The following PCDHGB7 variants were observed in gnomAD, a reference collection of about 807,000 sequenced individuals.
PCDHGB7 encodes protocadherin gamma-B7.
A neutral mutation model predicts 61.4 loss-of-function variants in PCDHGB7; 37 were observed. The observed-to-expected ratio is 0.60, with a 90% CI of 0.46 to 0.79. The LOEUF is 0.79. Among genes scored for constraint, PCDHGB7 ranks in the 30% least tolerant of loss-of-function variants. The probability of loss-of-function intolerance (pLI) is 0.00; values close to 1 mark genes in which losing one functional copy is unlikely to be tolerated. For synonymous variants in PCDHGB7, 464 were observed against 503.5 expected (o/e 0.92, Z 1.05); for missense variants, 1,166 against 1,202.5 (o/e 0.97, Z 0.45).
intron 1 of PCDHGB7, chr5:141,422,401 C>G: frequency 6.3e-7 from 1 of 1,598,896 alleles, no homozygotes; most frequent in Non-Finnish European, 8.5e-7. Context: ...TAACCACCTG[C>G]CTTTTAAATT....
At chr5:141,492,506 C>T (rs2154587372) in intron 1 of PCDHGB7, among the ~76,000 whole-genome samples, 2 of 152,318 alleles carry the variant, frequency 1.3e-5, no homozygotes, top group South Asian at 4.1e-4. Context: ...ACTCCGGAGC[C>T]TCCTCTCACC....
chr5:141,420,415 T>G, intron 1 of PCDHGB7, 141 bp downstream of exon 1: 1 of 1,217,298 alleles, frequency 8.2e-7, no homozygotes, highest in Non-Finnish European at 1.1e-6. Flanking sequence ...TTATCATTAT[T>G]AAAACAAAAG....
chr5:141,469,103 C>A (rs949254605), intron 1 of PCDHGB7, among the ~76,000 whole-genome samples: 2 of 151,844 alleles, frequency 1.3e-5, no homozygotes, highest in African/African-American at 2.4e-5. Context: ...AAAGCAAGAA[C>A]CTGTCTCTAA....
In PCDHGB7 at chr5:141,485,027, G is replaced by A. The variant is rs1594439784; in HGVS notation, c.2416-9780G>A. ...AATCTACCCCGCCACCAGCAAAAAC[G>A]GCGCGTAACCCTTGCGGCGCCGGCC... is the stretch of plus-strand genomic sequence containing the variant. On this transcript the variant is annotated intron_variant, in intron 1 of 3. Coordinates refer to ENST00000398594, the MANE Select transcript of PCDHGB7 (RefSeq NM_018927.4). The surrounding 1 kb of genome is among the most constrained non-coding windows in gnomAD (Gnocchi z 5.7). 1.5e-6 allele frequency: 1 copy of A among 662,546 alleles called. No individual in the cohort carries two copies. Among genetic ancestry groups the A allele is most frequent in the South Asian group, 1.9e-5 (1 of 53,596 alleles). The allele number at this position is 662,546 out of a possible 1,614,324, so 41.0% of individuals were successfully genotyped here.
At chr5:141,425,258 G>T (rs965944291) in intron 1 of PCDHGB7, among the ~76,000 whole-genome samples, 2 of 152,134 alleles carry the variant, frequency 1.3e-5, no homozygotes, top group Non-Finnish European at 2.9e-5. Context: ...GAGGTATTTG[G>T]CTGGGAAAAG....
In PCDHGB7 at chr5:141,491,283, C is replaced by G; in HGVS notation, c.2416-3524C>G. ...AAATGCCCAAATCCAGTGACTTCCT[C>G]ATACACCCTCCTGAGCGTTCAGACC... On this transcript the variant is annotated intron_variant, in intron 1 of 3. Coordinates refer to ENST00000398594, the MANE Select transcript of PCDHGB7 (RefSeq NM_018927.4). The surrounding 1 kb of genome is among the most constrained non-coding windows in gnomAD (Gnocchi z 6.9). The G allele has an allele frequency of 1.2e-6, 2 of 1,614,164 alleles. No homozygotes were observed.
In PCDHGB7 at chr5:141,447,157, T is replaced by A. The variant is rs569196292; in HGVS notation, c.2415+26883T>A. On this transcript the variant is annotated intron_variant, in intron 1 of 3. Transcript: ENST00000398594. The stretch of plus-strand genomic sequence containing the variant: ...TTTGTTTTTTGTTTTTGTTTTTGTT[T>A]AAGCGGGGTCTTGCTCTTGTCGCGC... Among the ~76,000 whole-genome samples the A allele has an allele frequency of 4.1e-4, 62 of 152,254 alleles. No homozygotes were observed. The South Asian group carries it at 0.013, about 31-fold the overall frequency.
intron 1 of PCDHGB7, among the ~76,000 whole-genome samples, chr5:141,459,546 C>T (rs575349914): frequency 9.9e-5 from 15 of 152,102 alleles, no homozygotes; most frequent in African/African-American, 3.6e-4. Flanking sequence ...TTTTTTATTT[C>T]TCTTGGATAA....
At chr5:141,474,016 G>A (rs1286684019) in intron 1 of PCDHGB7, among the ~76,000 whole-genome samples, 1 of 152,128 alleles carries the variant, frequency 6.6e-6, no homozygotes, top group Non-Finnish European at 1.5e-5. Context: ...GTTACAGTGA[G>A]CTATGATTAT....
intron 1 of PCDHGB7, among the ~76,000 whole-genome samples, chr5:141,452,761 G>A (rs1291983570): frequency 6.6e-6 from 1 of 152,036 alleles, no homozygotes; most frequent in East Asian, 1.9e-4. Flanking sequence ...AGGAAGGGAG[G>A]GAGGGAAAAC....
intron 2 of PCDHGB7, among the ~76,000 whole-genome samples, chr5:141,498,839 A>C (rs2099786236): frequency 6.6e-6 from 1 of 152,062 alleles, no homozygotes; most frequent in Non-Finnish European, 1.5e-5. Context: ...AGGCTGAGGC[A>C]GGGGAATCGC....
At position 141,429,387 on chromosome 5, in the gene PCDHGB7, TAAAAA is replaced by T. The variant is rs11410533; in HGVS notation, c.2415+9117_2415+9121del. On this transcript the variant is annotated intron_variant, in intron 1 of 3. Transcript: ENST00000398594. ...AAATGGAGAAAATGTGTTTTTTTTT[TAAAAA>T]AAATTGAGATTAAGGTCTCATTATG... 8.8e-4 allele frequency among the ~76,000 whole-genome samples: 134 copies of T among 151,448 alleles called. 1 individual carries two copies. Among genetic ancestry groups the T allele is most frequent in the Non-Finnish European group, 1.5e-3 (103 of 67,818 alleles).
Position 141,432,480 on chromosome 5 carries a change from G to T in PCDHGB7, c.2415+12206G>T, listed in dbSNP as rs775075732. On this transcript the variant is annotated intron_variant, in intron 1 of 3. Transcript: ENST00000398594. This position sits in a 1 kb window ranked among gnomAD's most constrained non-coding sequence, Gnocchi z 6.0. ...GCCCTCCCCACGGACGGTTCCACTG[G>T]CGTGGAGCTGGCTCCCCGCTCCGCA... The T allele has an allele frequency of 1.9e-6, 3 of 1,614,180 alleles. No individual in the cohort carries two copies. The highest frequency in any genetic ancestry group is 2.2e-5 in the South Asian group (2 of 91,078).
At position 141,490,370 on chromosome 5, in the gene PCDHGB7, G is replaced by A. The variant is rs768474199; in HGVS notation, c.2416-4437G>A. Reference sequence around the variant, plus strand: ...GTGGGGTTGTTTAATGTGCGAGACCGGGACTCAGGTAGAAATGGTGAAGTG... The same window carrying A: ...GTGGGGTTGTTTAATGTGCGAGACCAGGACTCAGGTAGAAATGGTGAAGTG... On this transcript the variant is annotated intron_variant, in intron 1 of 3. Coordinates refer to ENST00000398594, the MANE Select transcript of PCDHGB7 (RefSeq NM_018927.4). The surrounding 1 kb of genome is among the most constrained non-coding windows in gnomAD (Gnocchi z 5.4). 32 of 1,614,054 alleles carry A rather than the reference G, an allele frequency of 2.0e-5. No homozygotes were observed. The highest frequency in any genetic ancestry group is 1.0e-4 in the Admixed American group (6 of 60,006).
chr5:141,497,596 G>C (rs920597006), intron 2 of PCDHGB7, among the ~76,000 whole-genome samples: 1 of 149,648 alleles, frequency 6.7e-6, no homozygotes, highest in Admixed American at 6.7e-5. Context: ...CTGGAGTGCA[G>C]TGGTGCGATC....
intron 1 of PCDHGB7, among the ~76,000 whole-genome samples, chr5:141,453,076 G>A (rs2098755408): frequency 1.3e-5 from 2 of 151,984 alleles, no homozygotes; most frequent in Admixed American, 6.6e-5. Flanking sequence ...CCACACTCTG[G>A]TTGATTAGTA....
chr5:141,490,652 C>A lies in PCDHGB7; in HGVS notation c.2416-4155C>A. ...ATCCTAGAAAACCGGCCTCCGGGCT[C>A]CCTTCTTTGCACTGTGGCTGCCTCA... On this transcript the variant is annotated intron_variant, in intron 1 of 3. Transcript: ENST00000398594. The surrounding 1 kb of genome is among the most constrained non-coding windows in gnomAD (Gnocchi z 5.4). 6.2e-7 allele frequency: 1 copy of A among 1,614,208 alleles called. No individual in the cohort carries two copies. Among genetic ancestry groups the A allele is most frequent in the Non-Finnish European group, 8.5e-7 (1 of 1,180,026 alleles).
In PCDHGB7 at chr5:141,419,192, G is replaced by C. The variant is rs772847766; in HGVS notation, c.1333G>C (p.Val445Leu). ...SKTITLHITD[V>L]NDNAPVFGQS... is the part of the protein sequence containing the mutation. ...AACCATAACCCTGCACATTACTGAC[G>C]TCAATGACAACGCGCCGGTTTTCGG... Residue 445 changes from valine to leucine, a missense_variant, in exon 1 of 4, where the codon GTC (valine) becomes CTC (leucine). Transcript: ENST00000398594. The C allele has an allele frequency of 1.2e-6, 2 of 1,613,934 alleles. No homozygotes were observed. The highest frequency in any genetic ancestry group is 1.7e-5 in the Admixed American group (1 of 60,024).
Position 141,476,944 on chromosome 5 carries a change from C to A in PCDHGB7, c.2416-17863C>A. The A allele has an allele frequency of 1.9e-6, 3 of 1,614,188 alleles. No individual in the cohort carries two copies. The highest frequency in any genetic ancestry group is 2.5e-6 in the Non-Finnish European group (3 of 1,180,044). ...CAACGGATCTGGATGAAGGCCCCAA[C>A]GGTGAAATTATTTACTCCTTCGGCA... On this transcript the variant is annotated intron_variant, in intron 1 of 3. Transcript: ENST00000398594. This position sits in a 1 kb window ranked among gnomAD's most constrained non-coding sequence, Gnocchi z 7.6.
Sources: allele counts gnomAD v4.1 joint callset (sites outside exome capture counted in the v4.1 genomes callset), GRCh38; gene constraint gnomAD v4.1.1; non-coding constraint Gnocchi (gnomAD v3.1); transcripts MANE v1.5; gene names NCBI Gene and HGNC (gene_info 2026-07-23, HGNC 2026-07-21).